Variants in TNIK observed in about 807,000 individuals in gnomAD.
The protein encoded by TNIK is TRAF2 and NCK-interacting protein kinase.
TNIK carries 49 observed loss-of-function variants against 191.3 expected under a neutral mutation model. The ratio of observed to expected loss-of-function variants is 0.26; its 90% CI spans 0.20 to 0.32. The LOEUF is 0.32. Among genes scored for constraint, TNIK ranks in the 10% least tolerant of loss-of-function variants. The pLI is 1.00. For missense variants in TNIK, 1,155 were observed against 1,702.3 expected (o/e 0.68, Z 5.66); for synonymous variants, 594 against 600.9 (o/e 0.99, Z 0.17).
chr3:171,395,534 G>A (rs1490046651), intron 1 of TNIK, among the ~76,000 whole-genome samples: 2 of 152,152 alleles, frequency 1.3e-5, no homozygotes, highest in Non-Finnish European at 2.9e-5. Flanking sequence ...ATGGACACAG[G>A]CACTCAAGAA....
At chr3:171,184,628 C>T (rs112953285) in intron 7 of TNIK, among the ~76,000 whole-genome samples, 4,668 of 152,230 alleles carry the variant, frequency 0.031, 171 homozygotes, top group African/African-American at 0.089. Flanking sequence ...ACAGAGGCCA[C>T]GACTTGTTTG....
intron 2 of TNIK, among the ~76,000 whole-genome samples, chr3:171,248,869 A>C (rs1745909750): frequency 9.1e-6 from 1 of 109,532 alleles, no homozygotes; most frequent in Admixed American, 8.2e-5. Context: ...CTTTGCTGCC[A>C]AGTCTTATTG....
chr3:171,282,334 G>GTTT lies in TNIK; in HGVS notation c.124-54116_124-54114dup, dbSNP rs201489240. 1.7e-3 allele frequency among the ~76,000 whole-genome samples: 195 copies of GTTT among 114,498 alleles called. 7 individuals are homozygous for GTTT. The highest frequency in any genetic ancestry group is 2.5e-3 in the African/African-American group (73 of 28,890). The allele number at this position is 114,498 out of a possible 152,430, so 75.1% of individuals were successfully genotyped here. ...GAACTATCTGCAGATTCTCTTAATG[G>GTTT]TTTTTTGTTTTTTTTTTTTTTTTTG... On this transcript the variant is annotated intron_variant, in intron 2 of 32. Coordinates refer to ENST00000436636, the MANE Select transcript of TNIK (RefSeq NM_015028.4).
chr3:171,356,543 A>C lies in TNIK; in HGVS notation c.123+13077T>G, dbSNP rs1362122410. On this transcript the variant is annotated intron_variant, in intron 2 of 32. Coordinates refer to ENST00000436636, the MANE Select transcript of TNIK (RefSeq NM_015028.4). Reference sequence around the variant, plus strand: ...ACAGGCTATGGCATCGCTGCTCTATAGTATAAATTCAGACTTATCAAGAAT... The same window carrying C: ...ACAGGCTATGGCATCGCTGCTCTATCGTATAAATTCAGACTTATCAAGAAT... Among the ~76,000 whole-genome samples the C allele has an allele frequency of 2.6e-5, 4 of 152,338 alleles. No individual in the cohort carries two copies. In the South Asian group the frequency reaches 8.3e-4, roughly 32 times the overall value.
intron 18 of TNIK, among the ~76,000 whole-genome samples, chr3:171,116,126 C>T (rs922955149): frequency 1.3e-5 from 2 of 152,190 alleles, no homozygotes; most frequent in Admixed American, 1.3e-4. Context: ...TTTACAATGC[C>T]TTTTCTACCT....
Position 171,079,658 on chromosome 3 carries a change from G to C in TNIK, c.3314-6C>G. 6.2e-7 allele frequency: 1 copy of C among 1,602,002 alleles called. No homozygotes were observed. Among genetic ancestry groups the C allele is most frequent in the Non-Finnish European group, 8.5e-7 (1 of 1,174,264 alleles). On this transcript the variant is annotated splice_region_variant and splice_polypyrimidine_tract_variant and intron_variant, in intron 27 of 32. Coordinates refer to ENST00000436636, the MANE Select transcript of TNIK (RefSeq NM_015028.4). Reference sequence around the variant, plus strand: ...TCGTAGCTTATTCTTCTTTCCTGTTGAAATAATAGAGGTTTAATTTCAAAT... The same window carrying C: ...TCGTAGCTTATTCTTCTTTCCTGTTCAAATAATAGAGGTTTAATTTCAAAT...
chr3:171,372,217 G>A (rs1716590057), intron 1 of TNIK, among the ~76,000 whole-genome samples: 1 of 152,190 alleles, frequency 6.6e-6, no homozygotes, highest in Non-Finnish European at 1.5e-5. Context: ...CAAAACCAAG[G>A]AGGCTTAATG....
intron 11 of TNIK, among the ~76,000 whole-genome samples, chr3:171,158,390 G>A (rs1165099588): frequency 6.6e-6 from 1 of 152,220 alleles, no homozygotes; most frequent in Non-Finnish European, 1.5e-5. Context: ...ATGAATGTGT[G>A]TGCATACGAC....
intron 6 of TNIK, among the ~76,000 whole-genome samples, chr3:171,190,422 G>T (rs1413845321): frequency 6.6e-6 from 1 of 152,164 alleles, no homozygotes; most frequent in Middle Eastern, 3.4e-3. Context: ...CCATTTCAAA[G>T]TTTGTCACTT....
intron 2 of TNIK, among the ~76,000 whole-genome samples, chr3:171,356,617 T>C (rs112557963): frequency 1.3e-5 from 2 of 152,240 alleles, no homozygotes; most frequent in African/African-American, 4.8e-5. Context: ...GCAAAACCAA[T>C]CTTTGCCAAA....
intron 1 of TNIK, among the ~76,000 whole-genome samples, chr3:171,385,092 G>A (rs1424886030): frequency 6.6e-6 from 1 of 152,138 alleles, no homozygotes; most frequent in Non-Finnish European, 1.5e-5. Context: ...AACATGAAGG[G>A]CACACGGAGG....
At chr3:171,252,159 C>G (rs1233785732) in intron 2 of TNIK, among the ~76,000 whole-genome samples, 1 of 152,058 alleles carries the variant, frequency 6.6e-6, no homozygotes, top group Non-Finnish European at 1.5e-5. Flanking sequence ...TTCCCCTCCC[C>G]TATAAATACA....
intron 4 of TNIK, 107 bp downstream of exon 4, chr3:171,211,009 G>T: frequency 7.1e-7 from 1 of 1,409,704 alleles, no homozygotes; most frequent in South Asian, 1.3e-5. Context: ...GGGGGCTAAT[G>T]GTTAAAGAAG....
At chr3:171,202,509 G>A (rs1739543310) in intron 4 of TNIK, among the ~76,000 whole-genome samples, 1 of 152,120 alleles carries the variant, frequency 6.6e-6, no homozygotes, top group Non-Finnish European at 1.5e-5. Flanking sequence ...TCTAAAAAAA[G>A]GAATCAAAAG....
chr3:171,447,955 G>A (rs911667108), intron 1 of TNIK, among the ~76,000 whole-genome samples: 1 of 152,158 alleles, frequency 6.6e-6, no homozygotes, highest in Admixed American at 6.5e-5. Flanking sequence ...TTTATTACAC[G>A]TTAAATTTTT....
At chr3:171,261,306 G>C (rs1021995186) in intron 2 of TNIK, among the ~76,000 whole-genome samples, 11 of 152,030 alleles carry the variant, frequency 7.2e-5, no homozygotes, top group Admixed American at 3.9e-4. Context: ...CATATTTTAT[G>C]ATCCAGCCCA....
In TNIK at chr3:171,139,487, C is replaced by A; in HGVS notation, c.1402G>T (p.Glu468Ter). Residue 468 changes from glutamate to a stop codon, truncating the protein, a stop_gained, in exon 14 of 33, where the codon GAA (glutamate) becomes TAA (stop). Transcript: ENST00000436636. LOFTEE classifies it high-confidence loss of function. ...LEILQQQLLH[E>*]QALLLEYKRK... is the part of the protein sequence containing the mutation. Reference sequence around the variant, plus strand: ...CTCATTACCAGAAGTAGAGCTTGTTCATGCAGTAGCTGCTGCTGCAAGATC... The same window carrying A: ...CTCATTACCAGAAGTAGAGCTTGTTAATGCAGTAGCTGCTGCTGCAAGATC... 1 of 1,613,148 alleles carries A rather than the reference C, an allele frequency of 6.2e-7. No homozygotes were observed. Among genetic ancestry groups the A allele is most frequent in the South Asian group, 1.1e-5 (1 of 91,032 alleles).
chr3:171,184,102 C>T (rs1004098894), intron 7 of TNIK, among the ~76,000 whole-genome samples: 1 of 151,894 alleles, frequency 6.6e-6, no homozygotes, highest in Non-Finnish European at 1.5e-5. Flanking sequence ...TCCGAATAAA[C>T]AATTTATTAT....
chr3:171,278,084 A>G lies in TNIK; in HGVS notation c.124-49863T>C, dbSNP rs148162275. On this transcript the variant is annotated intron_variant, in intron 2 of 32. Transcript: ENST00000436636. ...GTTGGGGGCTGCCTCTCTCATGCACATATAGCTCACCCGATGGGGACGAAC... is the reference window on the plus strand; with the variant it reads ...GTTGGGGGCTGCCTCTCTCATGCACGTATAGCTCACCCGATGGGGACGAAC... Among the ~76,000 whole-genome samples, 56 of 152,330 alleles carry G rather than the reference A, an allele frequency of 3.7e-4. 2 individuals are homozygous for G. In the East Asian group the frequency reaches 9.8e-3, roughly 27 times the overall value.
Sources: allele counts gnomAD v4.1 joint callset (sites outside exome capture counted in the v4.1 genomes callset), GRCh38; gene constraint gnomAD v4.1.1; transcripts MANE v1.5; gene names NCBI Gene and HGNC (gene_info 2026-07-23, HGNC 2026-07-21).